VWF: variants seen among roughly 807,000 people sequenced by gnomAD.
VWF encodes Factor VIII related antigen.
A neutral mutation model predicts 308.6 loss-of-function variants in VWF; 176 were observed. The ratio of observed to expected loss-of-function variants is 0.57; its 90% CI spans 0.50 to 0.65. VWF has a LOEUF of 0.65. Ranked by LOEUF, VWF falls within the 30% of genes least tolerant of loss-of-function variation. The pLI, the probability that VWF is intolerant of heterozygous loss-of-function variation, is 0.00. For missense variants in VWF, 3,146 were observed against 3,648.2 expected, an observed-to-expected ratio of 0.86 and a Z score of 3.55; for synonymous variants, 1,385 against 1,443.4, an observed-to-expected ratio of 0.96 and a Z score of 0.92.
chr12:6,032,406 G>A (rs556681513), intron 20 of VWF, among the ~76,000 whole-genome samples: 50 of 151,838 alleles, frequency 3.3e-4, no homozygotes, highest in Admixed American at 5.9e-4. Context: ...TTGGGAGGCT[G>A]AGGCGGGCGG....
At chr12:5,994,238 G>A (rs1943781639) in intron 36 of VWF, 35 bp from the exon 37 acceptor site, 1 of 1,611,596 alleles carries the variant, frequency 6.2e-7, no homozygotes, top group Non-Finnish European at 8.5e-7. Flanking sequence ...AAGATAAACT[G>A]AGTGGCCCTG....
intron 3 of VWF, among the ~76,000 whole-genome samples, chr12:6,116,121 G>A (rs907167996): frequency 6.6e-6 from 1 of 152,074 alleles, no homozygotes; most frequent in Non-Finnish European, 1.5e-5. Context: ...ATTAGAAATC[G>A]CCGGTGAGCC....
In VWF at chr12:5,985,681, G is replaced by A. The variant is rs1159913578; in HGVS notation, c.6799-16C>T. 4 of 1,609,388 alleles carry A rather than the reference G, an allele frequency of 2.5e-6. No individual in the cohort carries two copies. The South Asian group carries it at 3.3e-5, about 13-fold the overall frequency. ...CTTCCAGGAACTGAGGGCAAAGCGAGGTTCAGAAAGGGCACAGGACATTCT... is the reference window on the plus strand; with the variant it reads ...CTTCCAGGAACTGAGGGCAAAGCGAAGTTCAGAAAGGGCACAGGACATTCT... On this transcript the variant is annotated splice_polypyrimidine_tract_variant and intron_variant, in intron 38 of 51. Transcript: ENST00000261405.
At chr12:6,087,376 T>TTTTTTG (rs1565384403) in intron 6 of VWF, among the ~76,000 whole-genome samples, 1 of 129,220 alleles carries the variant, frequency 7.7e-6, no homozygotes, top group African/African-American at 2.7e-5. Context: ...TTTTTTTTTT[T>TTTTTTG]GAGACAGAGT....
intron 10 of VWF, 86 bp from the exon 11 acceptor site, chr12:6,065,359 G>A (rs1049154972): frequency 3.8e-6 from 6 of 1,563,084 alleles, no homozygotes; most frequent in Non-Finnish European, 5.2e-6. Context: ...ATGCAAGCAG[G>A]GTGCCCTTCC....
chr12:6,088,126 TCA>T lies in VWF; in HGVS notation c.657+7332_657+7333del, dbSNP rs1301542025. Among the ~76,000 whole-genome samples the T allele has an allele frequency of 3.3e-5, 5 of 152,204 alleles. No individual in the cohort carries two copies. The East Asian group carries it at 5.8e-4, about 18-fold the overall frequency. ...AGGTATATACATGTACATTATATGTTCAGTTATTATGTTTATCTTGGCCGTTT... is the reference window on the plus strand; with the variant it reads ...AGGTATATACATGTACATTATATGTTGTTATTATGTTTATCTTGGCCGTTT... On this transcript the variant is annotated intron_variant, in intron 6 of 51. Coordinates refer to ENST00000261405, the MANE Select transcript of VWF (RefSeq NM_000552.5).
intron 51 of VWF, 74 bp from the exon 52 acceptor site, chr12:5,949,277 C>G (rs907689346): frequency 3.3e-6 from 5 of 1,506,282 alleles, no homozygotes; most frequent in Admixed American, 3.5e-5. Context: ...TCTGGGGCAG[C>G]CTGCTTTCTC....
Position 5,996,103 on chromosome 12 carries a change from G to C in VWF, c.5962C>G (p.Leu1988Val). Residue 1988 changes from leucine to valine, a missense_variant, in exon 35 of 52, where the codon CTC (leucine) becomes GTC (valine). By Grantham distance (32) the Leu-to-Val change is conservative. Around this residue, in one of 3 missense-constraint regions of VWF, gnomAD observed 989 missense variants for 1,117.4 expected, o/e 0.89. Transcript: ENST00000261405. The stretch of plus-strand genomic sequence containing the variant: ...CCAGGGCTGCAGGCACCATTATGGA[G>C]AATCACCTCCAGGTCCTGCTCCTTG... ...QNKEQDLEVI[L>V]HNGACSPGAR... 6.2e-7 allele frequency: 1 copy of C among 1,614,110 alleles called. No homozygotes were observed.
At chr12:6,112,119 G>A (rs773958064) in intron 3 of VWF, among the ~76,000 whole-genome samples, 6 of 152,082 alleles carry the variant, frequency 3.9e-5, no homozygotes, top group African/African-American at 1.2e-4. Flanking sequence ...TGGGTCAAAC[G>A]CCTTACACAG....
intron 5 of VWF, among the ~76,000 whole-genome samples, chr12:6,099,445 A>G (rs892588003): frequency 6.6e-6 from 1 of 152,078 alleles, no homozygotes; most frequent in Admixed American, 6.6e-5. Flanking sequence ...TATGGATTTG[A>G]GATTCCTATT....
At position 5,999,471 on chromosome 12, in the gene VWF, T is replaced by TACACACACAC. The variant is rs3062521; in HGVS notation, c.5843-3259_5843-3250dup. Among the ~76,000 whole-genome samples, 645 of 143,636 alleles carry TACACACACAC rather than the reference T, an allele frequency of 4.5e-3. 2 individuals are homozygous for TACACACACAC. Among genetic ancestry groups the TACACACACAC allele is most frequent in the East Asian group, 0.018 (86 of 4,890 alleles). 94.2% of individuals were successfully genotyped at this position (143,636 alleles called of 152,430 possible). ...CCTTCAGGATCCACATGTACACACA[T>TACACACACAC]ACACACACACACACACACACACACA... On this transcript the variant is annotated intron_variant, in intron 34 of 51. Coordinates refer to ENST00000261405, the MANE Select transcript of VWF (RefSeq NM_000552.5).
In VWF at chr12:6,019,466, C is replaced by T. The variant is rs372028373; in HGVS notation, c.3952G>A (p.Val1318Met). Residue 1318 changes from valine (V) to methionine (M), a missense_variant, in exon 28 of 52, where the codon GTG becomes ATG. Physicochemically the swap from Val to Met is conservative, Grantham distance 21. Transcript: ENST00000261405. This position sits in a 1 kb window ranked among gnomAD's most constrained non-coding sequence, Gnocchi z 5.8. ...RISQKWVRVA[V>M]VEYHDGSHAY... is the part of the protein sequence containing the mutation. Reference sequence around the variant, plus strand: ...TGGGAGCCGTCGTGGTACTCCACCACGGCCACGCGGACCCACTTCTGGGAG... The same window carrying T: ...TGGGAGCCGTCGTGGTACTCCACCATGGCCACGCGGACCCACTTCTGGGAG... The T allele has an allele frequency of 3.2e-5, 51 of 1,613,794 alleles. No individual in the cohort carries two copies. The East Asian group carries it at 4.7e-4, about 15-fold the overall frequency.
At chr12:6,042,749 T>C (rs1944409229) in intron 18 of VWF, among the ~76,000 whole-genome samples, 1 of 152,190 alleles carries the variant, frequency 6.6e-6, no homozygotes, top group African/African-American at 2.4e-5. Flanking sequence ...CTGTCCTCTT[T>C]TTTGGATTTG....
intron 38 of VWF, among the ~76,000 whole-genome samples, chr12:5,990,583 T>G (rs144243992): frequency 9.2e-5 from 14 of 152,196 alleles, no homozygotes; most frequent in Middle Eastern, 3.4e-3. Flanking sequence ...GATGAAGACA[T>G]TAGGTCTTGA....
chr12:5,995,875 C>G (rs1943802447), intron 35 of VWF, 127 bp downstream of exon 35: 4 of 855,248 alleles, frequency 4.7e-6, no homozygotes, highest in Non-Finnish European at 7.6e-6. Flanking sequence ...TGGTACTCCT[C>G]TCCTCCACTT....
intron 38 of VWF, among the ~76,000 whole-genome samples, chr12:5,991,189 AC>A (rs1565821749): frequency 7.3e-6 from 1 of 136,480 alleles, no homozygotes; most frequent in Non-Finnish European, 1.6e-5. Flanking sequence ...ACACACACAC[AC>A]ACACACACAC....
intron 20 of VWF, among the ~76,000 whole-genome samples, chr12:6,034,163 A>C (rs1178397662): frequency 1.3e-5 from 2 of 152,154 alleles, no homozygotes; most frequent in Non-Finnish European, 2.9e-5. Flanking sequence ...TAGACATTAA[A>C]ATGGCGGAGA....
At chr12:6,071,440 C>A (rs1033853000) in intron 9 of VWF, 97 bp from the exon 10 acceptor site, 3 of 1,364,972 alleles carry the variant, frequency 2.2e-6, no homozygotes, top group African/African-American at 1.4e-5. Flanking sequence ...AGTCCCCAAA[C>A]GAAGGGATGT....
At chr12:6,076,278 C>G (rs775761572) in intron 6 of VWF, among the ~76,000 whole-genome samples, 1 of 152,214 alleles carries the variant, frequency 6.6e-6, no homozygotes, top group Non-Finnish European at 1.5e-5. Flanking sequence ...TGCTCACTCA[C>G]GAGTATCAAC....
Sources: gnomAD v4.1 joint callset for allele counts (sites outside exome capture counted in the v4.1 genomes callset) on GRCh38, gnomAD v4.1.1 for gene constraint, gnomAD v4.1.1 regional missense constraint, Gnocchi (gnomAD v3.1) non-coding constraint, MANE v1.5 for transcripts, NCBI Gene and HGNC (gene_info 2026-07-23, HGNC 2026-07-21) for gene names.